GRK3: variants seen among roughly 807,000 people sequenced by gnomAD.
The protein encoded by GRK3 is adrenergic, beta, receptor kinase 2.
GRK3 carries 54 observed loss-of-function variants against 95.7 expected under a neutral mutation model. The observed-to-expected ratio is 0.56, with a 90% confidence interval of 0.45 to 0.71. GRK3 has a LOEUF of 0.71. Ranked by LOEUF, GRK3 falls within the 30% of genes least tolerant of loss-of-function variation. The pLI, the probability that GRK3 is intolerant of heterozygous loss-of-function variation, is 0.00. For synonymous variants in GRK3, 281 were observed against 290.8 expected (o/e 0.97, Z 0.34); for missense variants, 649 against 851.2 (o/e 0.76, Z 2.96).
chr22:25,623,130 C>T (rs751365668), intron 2 of GRK3, among the ~76,000 whole-genome samples: 4 of 151,850 alleles, frequency 2.6e-5, no homozygotes, highest in East Asian at 1.9e-4. Context: ...TTTGTAGAGA[C>T]GGGGTATCTC....
chr22:25,607,086 G>T (rs898343620), intron 2 of GRK3, among the ~76,000 whole-genome samples: 1 of 150,970 alleles, frequency 6.6e-6, no homozygotes, highest in Non-Finnish European at 1.5e-5. Flanking sequence ...GTATGTGTTT[G>T]TGTGTGTGTG....
intron 19 of GRK3, among the ~76,000 whole-genome samples, chr22:25,720,805 C>T (rs1371940764): frequency 2.0e-5 from 3 of 152,018 alleles, no homozygotes; most frequent in African/African-American, 7.3e-5. Flanking sequence ...AATGAAACCA[C>T]CTCTATTTAT....
chr22:25,623,296 G>T (rs971746393), intron 2 of GRK3, among the ~76,000 whole-genome samples: 2 of 152,230 alleles, frequency 1.3e-5, no homozygotes, highest in African/African-American at 4.8e-5. Flanking sequence ...CTAATGCGCA[G>T]AAAGATGAAA....
At chr22:25,605,374 C>T (rs534144788) in intron 2 of GRK3, among the ~76,000 whole-genome samples, 3 of 152,282 alleles carry the variant, frequency 2.0e-5, no homozygotes, top group African/African-American at 2.4e-5. Context: ...TTAGTTCTTA[C>T]GGCTTCTCAT....
intron 7 of GRK3, among the ~76,000 whole-genome samples, chr22:25,672,893 C>T (rs1269661740): frequency 1.3e-5 from 2 of 152,090 alleles, no homozygotes; most frequent in East Asian, 3.8e-4. Flanking sequence ...ATTCTTATTG[C>T]ATCATCCTTA....
At position 25,688,168 on chromosome 22, in the gene GRK3, A is replaced by G. The variant is rs543984528; in HGVS notation, c.957+501A>G. Reference sequence around the variant, plus strand: ...GGAGAACGGAGTGAACCTGGGAGGCAGAGCTTGCAGTGAGCTGAGATTGCA... The same window carrying G: ...GGAGAACGGAGTGAACCTGGGAGGCGGAGCTTGCAGTGAGCTGAGATTGCA... On this transcript the variant is annotated intron_variant, in intron 11 of 20. Coordinates refer to ENST00000324198, the MANE Select transcript of GRK3 (RefSeq NM_005160.4). Among the ~76,000 whole-genome samples, 24 of 150,290 alleles carry G rather than the reference A, an allele frequency of 1.6e-4. No homozygotes were observed. In the South Asian group the frequency reaches 2.6e-3, roughly 16 times the overall value.
At chr22:25,676,183 C>T (rs749401742) in intron 8 of GRK3, among the ~76,000 whole-genome samples, 1 of 151,926 alleles carries the variant, frequency 6.6e-6, no homozygotes, top group Non-Finnish European at 1.5e-5. Flanking sequence ...AAACACAGTC[C>T]TCTGCAACCC....
chr22:25,665,569 TA>T (rs962522735), intron 5 of GRK3, among the ~76,000 whole-genome samples: 3 of 151,432 alleles, frequency 2.0e-5, no homozygotes, highest in East Asian at 3.9e-4. Context: ...TTTTGTTCAT[TA>T]AAAAAATAGT....
chr22:25,594,504 C>G (rs2084358126), intron 1 of GRK3, among the ~76,000 whole-genome samples: 1 of 152,170 alleles, frequency 6.6e-6, no homozygotes, highest in African/African-American at 2.4e-5. Context: ...GTTAATTCAT[C>G]ATGATCAGGT....
chr22:25,714,445 C>T lies in GRK3; in HGVS notation c.1529C>T (p.Pro510Leu). 4 of 1,613,228 alleles carry T rather than the reference C, an allele frequency of 2.5e-6. No individual in the cohort carries two copies. Among genetic ancestry groups the T allele is most frequent in the Non-Finnish European group, 3.4e-6 (4 of 1,179,786 alleles). ...DCDQELYKNF[P>L]LVISERWQQE... ...GACCAAGAACTCTACAAGAACTTCC[C>T]TTTGGTCATCTCTGAACGCTGGCAG... The change falls in exon 18 of 21, where the codon CCT (proline) becomes CTT (leucine). Residue 510 changes from proline (P) to leucine (L), a missense_variant. Transcript: ENST00000324198.
rs748016202 is a variant in GRK3, at chr22:25,687,542, G to A, written c.832G>A (p.Asp278Asn). ...CFILDLMNGG[D>N]LHYHLSQHGV... ...AATTCTGAATCTGATTCCAGGGGGCGATTTGCACTACCACCTTTCACAACA... is the reference window on the plus strand; with the variant it reads ...AATTCTGAATCTGATTCCAGGGGGCAATTTGCACTACCACCTTTCACAACA... The change falls in exon 11 of 21, where the codon GAT (aspartate) becomes AAT (asparagine). Residue 278 changes from aspartate (D) to asparagine (N), a missense_variant. Physicochemically the swap from Asp to Asn is conservative, Grantham distance 23. Around this residue, in one of 3 missense-constraint regions of GRK3, gnomAD observed 61 missense variants for 126.0 expected, o/e 0.48. Transcript: ENST00000324198. 3.7e-6 allele frequency: 6 copies of A among 1,612,800 alleles called. No homozygotes were observed. Among genetic ancestry groups the A allele is most frequent in the South Asian group, 2.2e-5 (2 of 90,742 alleles).
chr22:25,702,209 G>A (rs2085264491), intron 13 of GRK3, among the ~76,000 whole-genome samples: 1 of 152,090 alleles, frequency 6.6e-6, no homozygotes, highest in South Asian at 2.1e-4. Context: ...GAAAATTAAA[G>A]TGTTTCAGAC....
chr22:25,685,961 C>G (rs938105822), intron 10 of GRK3, among the ~76,000 whole-genome samples: 1 of 151,598 alleles, frequency 6.6e-6, no homozygotes, highest in Non-Finnish European at 1.5e-5. Context: ...TGGCTCACGC[C>G]TGTAATCCCA....
Position 25,678,926 on chromosome 22 carries a change from A to G in GRK3, c.747+11A>G. 1 of 1,460,018 alleles carries G rather than the reference A, an allele frequency of 6.8e-7. No individual in the cohort carries two copies. The highest frequency in any genetic ancestry group is 9.4e-7 in the Non-Finnish European group (1 of 1,066,152). The allele number at this position is 1,460,018 out of a possible 1,614,324, so 90.4% of individuals were successfully genotyped here. A position where few individuals can be genotyped will look rare whatever the true frequency, so the allele number is the denominator to read the frequency against. ...CTTGTCAGCACAGGAGTAAGTATTC[A>G]ATTTCCAGCATTTCTTTTAAAAATG... is the stretch of plus-strand genomic sequence containing the variant. On this transcript the variant is annotated intron_variant, in intron 9 of 20. Transcript: ENST00000324198.
chr22:25,685,319 A>C (rs2085104408), intron 10 of GRK3, 71 bp downstream of exon 10: 1 of 1,188,428 alleles, frequency 8.4e-7, no homozygotes, highest in Non-Finnish European at 1.3e-6. Flanking sequence ...GCATGCATTA[A>C]TCTAGGCAGA....
At position 25,574,662 on chromosome 22, in the gene GRK3, A is replaced by G. The variant is rs570602706; in HGVS notation, c.113+9509A>G. Among the ~76,000 whole-genome samples the G allele has an allele frequency of 5.3e-5, 8 of 152,280 alleles. No homozygotes were observed. The South Asian group carries it at 1.4e-3, about 28-fold the overall frequency. Reference sequence around the variant, plus strand: ...GTATTTGGTGGTGGTGGCGGGGTCTATTCTCTATTTAAAATGGAACGAATC... The same window carrying G: ...GTATTTGGTGGTGGTGGCGGGGTCTGTTCTCTATTTAAAATGGAACGAATC... On this transcript the variant is annotated intron_variant, in intron 1 of 20. Transcript: ENST00000324198.
intron 2 of GRK3, among the ~76,000 whole-genome samples, chr22:25,614,191 A>C (rs940882165): frequency 2.0e-5 from 3 of 151,952 alleles, no homozygotes; most frequent in Non-Finnish European, 2.9e-5. Context: ...GCAGTGGTAC[A>C]CTCTCAGCTC....
At chr22:25,636,304 A>G (rs2084701219) in intron 2 of GRK3, among the ~76,000 whole-genome samples, 1 of 152,218 alleles carries the variant, frequency 6.6e-6, no homozygotes, top group Non-Finnish European at 1.5e-5. Context: ...GAGCAAGGAA[A>G]TGTTTGTGTG....
intron 13 of GRK3, among the ~76,000 whole-genome samples, chr22:25,699,682 T>C (rs2085241001): frequency 7.3e-6 from 1 of 136,624 alleles, no homozygotes; most frequent in Admixed American, 7.0e-5. Flanking sequence ...CTATTTTCTT[T>C]TCTTTTCTTT....
Sources: allele counts gnomAD v4.1 joint callset (sites outside exome capture counted in the v4.1 genomes callset), GRCh38; gene constraint gnomAD v4.1.1; regional missense constraint gnomAD v4.1.1; transcripts MANE v1.5; gene names NCBI Gene and HGNC (gene_info 2026-07-23, HGNC 2026-07-21).